The following SCN11A variants were observed in gnomAD, a reference collection of about 807,000 sequenced individuals.
SCN11A encodes the protein sodium voltage-gated channel alpha subunit 11, also known as sodium channel protein type 11 subunit alpha.
SCN11A carries 122 observed loss-of-function variants against 162.2 expected under a neutral mutation model. The observed-to-expected ratio is 0.75, with a 90% CI of 0.65 to 0.87. The LOEUF is 0.87. SCN11A is among the 40% of genes least tolerant of loss of function. The pLI is 0.00. For missense variants in SCN11A, 2,015 were observed against 2,181.6 expected (o/e 0.92, Z 1.52); for synonymous variants, 758 against 751.5 (o/e 1.01, Z -0.14).
chr3:38,862,705 C>A (rs1168796680), intron 28 of SCN11A, among the ~76,000 whole-genome samples: 2 of 151,968 alleles, frequency 1.3e-5, no homozygotes, highest in African/African-American at 4.8e-5. Context: ...GACATAAAGG[C>A]ATAAGAATGA....
intron 2 of SCN11A, among the ~76,000 whole-genome samples, chr3:38,984,544 C>A (rs1208038151): frequency 4.6e-5 from 7 of 151,788 alleles, no homozygotes; most frequent in Non-Finnish European, 1.0e-4. Flanking sequence ...AAGCCACACT[C>A]CTGTCCCCCA....
Position 38,908,126 on chromosome 3 carries a change from C to T in SCN11A, c.1300-4G>A. The T allele has an allele frequency of 3.7e-6, 6 of 1,608,144 alleles. No homozygotes were observed. Among genetic ancestry groups the T allele is most frequent in the Non-Finnish European group, 5.1e-6 (6 of 1,178,700 alleles). ...CAATTCCCATGGCAACCAGAGCCTT[C>T]AAATTGAACAAAAGCAATTAAAGAA... On this transcript the variant is annotated splice_region_variant and splice_polypyrimidine_tract_variant and intron_variant, in intron 13 of 29. Transcript: ENST00000302328.
intron 1 of SCN11A, among the ~76,000 whole-genome samples, chr3:39,038,360 G>C (rs2031960586): frequency 6.6e-6 from 1 of 152,050 alleles, no homozygotes; most frequent in African/African-American, 2.4e-5. Flanking sequence ...TTCTATAGTG[G>C]GAGTATTGCT....
intron 22 of SCN11A, among the ~76,000 whole-genome samples, chr3:38,880,409 C>T (rs1479195093): frequency 1.3e-5 from 2 of 152,162 alleles, no homozygotes; most frequent in Non-Finnish European, 2.9e-5. Context: ...TGGATCAGCA[C>T]ATTATTTCCT....
At chr3:39,051,316 CCT>C (rs1454693358) in intron 1 of SCN11A, among the ~76,000 whole-genome samples, 1 of 151,990 alleles carries the variant, frequency 6.6e-6, no homozygotes, top group East Asian at 1.9e-4. Flanking sequence ...GTGTTGTCCC[CCT>C]CTTTTGTGTC....
At chr3:38,958,840 C>A (rs911884052) in intron 3 of SCN11A, among the ~76,000 whole-genome samples, 3 of 152,120 alleles carry the variant, frequency 2.0e-5, no homozygotes, top group African/African-American at 7.2e-5. Context: ...TCTCATTTAA[C>A]CCTCAAAACA....
At chr3:39,009,577 A>G (rs1165598003) in intron 2 of SCN11A, among the ~76,000 whole-genome samples, 1 of 149,820 alleles carries the variant, frequency 6.7e-6, no homozygotes, top group East Asian at 2.0e-4. Flanking sequence ...AAACAATTAT[A>G]AATTCCAGAG....
At chr3:38,975,121 T>C (rs1198366468) in intron 2 of SCN11A, among the ~76,000 whole-genome samples, 2 of 150,356 alleles carry the variant, frequency 1.3e-5, no homozygotes, top group Non-Finnish European at 3.0e-5. Context: ...TGTATGCTGA[T>C]AAAAAACTAT....
intron 2 of SCN11A, among the ~76,000 whole-genome samples, chr3:38,998,872 A>G (rs964301502): frequency 2.3e-4 from 32 of 137,386 alleles, no homozygotes; most frequent in African/African-American, 8.7e-4. Context: ...ACACATGGAC[A>G]CAGGAAGGGA....
chr3:39,017,887 A>G (rs1423866766), intron 2 of SCN11A, among the ~76,000 whole-genome samples: 1 of 152,224 alleles, frequency 6.6e-6, no homozygotes, highest in African/African-American at 2.4e-5. Flanking sequence ...ATGCCTGGCA[A>G]TTTTTGTTGG....
chr3:38,954,822 C>T (rs1317636212), intron 3 of SCN11A, among the ~76,000 whole-genome samples: 1 of 151,812 alleles, frequency 6.6e-6, no homozygotes, highest in Non-Finnish European at 1.5e-5. Context: ...AACCCTGTCT[C>T]TACTAAAAAT....
At chr3:38,924,639 T>C (rs1042775418) in intron 9 of SCN11A, among the ~76,000 whole-genome samples, 19 of 152,024 alleles carry the variant, frequency 1.2e-4, no homozygotes, top group Non-Finnish European at 2.2e-4. Context: ...TTCCAAAGTG[T>C]TGGGATTACA....
intron 2 of SCN11A, among the ~76,000 whole-genome samples, chr3:39,026,953 CAG>C (rs1459440542): frequency 6.6e-6 from 1 of 152,160 alleles, no homozygotes; most frequent in African/African-American, 2.4e-5. Context: ...AGTGTTAAGT[CAG>C]AGAGAGTCTG....
chr3:39,020,383 G>C (rs1408621012), intron 2 of SCN11A, among the ~76,000 whole-genome samples: 2 of 152,214 alleles, frequency 1.3e-5, no homozygotes, highest in African/African-American at 4.8e-5. Context: ...GAGTTTGCCT[G>C]AAGCTGCATT....
chr3:38,933,948 G>A (rs1376457457), intron 7 of SCN11A, among the ~76,000 whole-genome samples: 2 of 152,136 alleles, frequency 1.3e-5, no homozygotes, highest in Non-Finnish European at 2.9e-5. Flanking sequence ...TGAAATGAAG[G>A]AAAAAATGTT....
chr3:38,886,354 T>G, intron 19 of SCN11A, 116 bp from the exon 20 acceptor site: 1 of 565,712 alleles, frequency 1.8e-6, no homozygotes, highest in Non-Finnish European at 3.0e-6. Flanking sequence ...CCTTTGACAT[T>G]ATTACTCTTT....
intron 17 of SCN11A, 73 bp downstream of exon 17, chr3:38,899,821 C>T: frequency 8.2e-7 from 1 of 1,215,262 alleles, no homozygotes; most frequent in Non-Finnish European, 1.2e-6. Flanking sequence ...ACAAGATAAC[C>T]ACTGAACTCA....
At chr3:38,847,836 T>C (rs2064702120) in intron 29 of SCN11A, 94 bp from the exon 30 acceptor site, 1 of 663,828 alleles carries the variant, frequency 1.5e-6, no homozygotes, top group African/African-American at 1.8e-5. Flanking sequence ...GGGGGCCAAC[T>C]TTTTATCAAT....
Position 38,905,411 on chromosome 3 carries a change from A to G in SCN11A, c.1474-90T>C, listed in dbSNP as rs2065777972. The G allele has an allele frequency of 3.4e-6, 5 of 1,450,272 alleles. No homozygotes were observed. In the Admixed American group the frequency reaches 9.0e-5, roughly 26 times the overall value. The allele number at this position is 1,450,272 out of a possible 1,614,324, so 89.8% of individuals were successfully genotyped here. ...CTACTTTGTTCCAATGCTACATGTAATGAAAGTGCTCAACATTTTCTATAG... is the reference window on the plus strand; with the variant it reads ...CTACTTTGTTCCAATGCTACATGTAGTGAAAGTGCTCAACATTTTCTATAG... On this transcript the variant is annotated intron_variant, in intron 14 of 29. Transcript: ENST00000302328.
Sources: gnomAD v4.1 joint callset for allele counts (sites outside exome capture counted in the v4.1 genomes callset) on GRCh38, gnomAD v4.1.1 for gene constraint, MANE v1.5 for transcripts, NCBI Gene and HGNC (gene_info 2026-07-23, HGNC 2026-07-21) for gene names.